Variants in DACH2 observed in about 807,000 individuals in gnomAD.
DACH2 encodes dachshund homolog 2.
In DACH2, 17 loss-of-function variants were observed where a neutral mutation model predicts 35.8. That is an observed-to-expected ratio of 0.48 (90% confidence interval 0.33 to 0.71). The LOEUF is 0.71. Among genes scored for constraint, DACH2 ranks in the 30% least tolerant of loss-of-function variants. The pLI is 0.02. For missense variants in DACH2, 469 were observed against 472.7 expected (o/e 0.99, Z 0.07); for synonymous variants, 195 against 177.3 (o/e 1.10, Z -0.79).
At position 86,371,381 on chromosome X, in the gene DACH2, A is replaced by G. The variant is rs765800989; in HGVS notation, c.489-5443A>G. Among the ~76,000 whole-genome samples, 13 of 110,909 alleles carry G rather than the reference A, an allele frequency of 1.2e-4. No individual in the cohort carries two copies. In the South Asian group the frequency reaches 4.5e-3, roughly 39 times the overall value. Reference sequence around the variant, plus strand: ...AATTTATCAGAAGCAGCAAATACTTAATATAACCAAAGTTTTTGTTATTCC... The same window carrying G: ...AATTTATCAGAAGCAGCAAATACTTGATATAACCAAAGTTTTTGTTATTCC... On this transcript the variant is annotated intron_variant, in intron 1 of 11. Transcript: ENST00000373125.
At chrX:86,719,735 T>A (rs890055017) in intron 6 of DACH2, among the ~76,000 whole-genome samples, 5 of 108,865 alleles carry the variant, frequency 4.6e-5, no homozygotes, top group Non-Finnish European at 7.6e-5. Context: ...AGGAAACCAC[T>A]CCCATGATTC....
intron 1 of DACH2, among the ~76,000 whole-genome samples, chrX:86,333,807 T>C (rs905609798): frequency 3.6e-5 from 4 of 111,164 alleles, no homozygotes; most frequent in African/African-American, 1.3e-4. Context: ...TGCCAGAAAG[T>C]GTAGGTTTGT....
chrX:86,504,542 A>C (rs1416699230), intron 2 of DACH2, among the ~76,000 whole-genome samples: 3 of 109,644 alleles, frequency 2.7e-5, no homozygotes, highest in Non-Finnish European at 5.7e-5. Context: ...TACACAAAAC[A>C]TAAAGTGTAC....
intron 2 of DACH2, among the ~76,000 whole-genome samples, chrX:86,486,791 A>T (rs189800816): frequency 8.9e-6 from 1 of 111,908 alleles, no homozygotes; most frequent in East Asian, 2.8e-4. Context: ...CTCACCTTAA[A>T]ATAGGGATAG....
intron 7 of DACH2, among the ~76,000 whole-genome samples, chrX:86,780,182 A>T (rs1602939650): frequency 9.1e-6 from 1 of 109,394 alleles, no homozygotes; most frequent in African/African-American, 3.3e-5. Context: ...AAAAAAAAAA[A>T]AAAACCCACC....
chrX:86,165,846 A>C (rs772972268), intron 1 of DACH2, among the ~76,000 whole-genome samples: 5 of 111,202 alleles, frequency 4.5e-5, no homozygotes, highest in Non-Finnish European at 9.5e-5. Flanking sequence ...ATGCAATCCC[A>C]TTTGTCTATT....
chrX:86,450,919 T>G (rs1050826413), intron 2 of DACH2, among the ~76,000 whole-genome samples: 1 of 111,500 alleles, frequency 9.0e-6, no homozygotes, highest in Non-Finnish European at 1.9e-5. Context: ...ATGGGGTTGT[T>G]TTTTTCTTGT....
intron 4 of DACH2, among the ~76,000 whole-genome samples, chrX:86,677,853 T>C (rs1214116007): frequency 3.6e-5 from 4 of 112,143 alleles, no homozygotes; most frequent in Non-Finnish European, 7.5e-5. Context: ...CTCATTTATC[T>C]TCATTTCTTC....
chrX:86,241,822 G>A (rs780925506), intron 1 of DACH2, among the ~76,000 whole-genome samples: 3 of 112,366 alleles, frequency 2.7e-5, no homozygotes, highest in Non-Finnish European at 3.8e-5. Context: ...GTCCACCTGT[G>A]GCTAAAAGGG....
At chrX:86,552,228 A>G (rs1344240104) in intron 3 of DACH2, among the ~76,000 whole-genome samples, 1 of 111,441 alleles carries the variant, frequency 9.0e-6, no homozygotes, top group Non-Finnish European at 1.9e-5. Flanking sequence ...CATATAATAC[A>G]TAGTAGACCA....
At chrX:86,347,514 G>A (rs2035518393) in intron 1 of DACH2, among the ~76,000 whole-genome samples, 1 of 112,713 alleles carries the variant, frequency 8.9e-6, no homozygotes, top group South Asian at 3.6e-4. Flanking sequence ...AAGTTTACAA[G>A]TTGATTCTCT....
At chrX:86,312,496 G>A (rs183096975) in intron 1 of DACH2, among the ~76,000 whole-genome samples, 1 of 111,607 alleles carries the variant, frequency 9.0e-6, no homozygotes, top group Non-Finnish European at 1.9e-5. Context: ...TTGGATTGAG[G>A]AATATACAGT....
chrX:86,203,761 G>T (rs1201075079), intron 1 of DACH2, among the ~76,000 whole-genome samples: 1 of 111,738 alleles, frequency 8.9e-6, no homozygotes, highest in African/African-American at 3.3e-5. Flanking sequence ...AGGCTCCTCA[G>T]ATTACTCTTC....
intron 3 of DACH2, among the ~76,000 whole-genome samples, chrX:86,592,780 G>A (rs948058323): frequency 2.7e-5 from 3 of 111,400 alleles, no homozygotes; most frequent in East Asian, 2.8e-4. Context: ...TTTTTGGTGC[G>A]GATGTAAAGG....
At chrX:86,338,066 C>T (rs1237907623) in intron 1 of DACH2, among the ~76,000 whole-genome samples, 5 of 111,706 alleles carry the variant, frequency 4.5e-5, no homozygotes, top group Non-Finnish European at 1.9e-5. Flanking sequence ...ATTCATAAAG[C>T]AAGTTCTTAG....
intron 1 of DACH2, among the ~76,000 whole-genome samples, chrX:86,234,067 T>C (rs1323617298): frequency 8.9e-6 from 1 of 112,358 alleles, no homozygotes; most frequent in African/African-American, 3.2e-5. Flanking sequence ...TAGGTGTTTA[T>C]GGTTCAGGAT....
chrX:86,434,517 G>A (rs193025729), intron 2 of DACH2, among the ~76,000 whole-genome samples: 119 of 111,500 alleles, frequency 1.1e-3, no homozygotes, highest in African/African-American at 3.7e-3. Context: ...TTTAATACAA[G>A]TAAAAGTATA....
chrX:86,651,223 G>T, intron 4 of DACH2, 56 bp downstream of exon 4: 1 of 1,137,800 alleles, frequency 8.8e-7, no homozygotes, highest in Non-Finnish European at 1.2e-6. Context: ...TTGTGGGGCA[G>T]GAGAGAGGTG....
intron 2 of DACH2, among the ~76,000 whole-genome samples, chrX:86,390,987 GA>G (rs1176912767): frequency 9.1e-6 from 1 of 110,092 alleles, no homozygotes; most frequent in Non-Finnish European, 1.9e-5. Flanking sequence ...TGGAGCTTTT[GA>G]AAGGTTTCTT....
Sources: allele counts gnomAD v4.1 joint callset (sites outside exome capture counted in the v4.1 genomes callset), GRCh38; gene constraint gnomAD v4.1.1; transcripts MANE v1.5; gene names NCBI Gene and HGNC (gene_info 2026-07-23, HGNC 2026-07-21).